RPS6KC1: variants seen among roughly 807,000 people sequenced by gnomAD.
RPS6KC1 encodes the protein inactive ribosomal protein S6 kinase delta-1.
In RPS6KC1, 54 loss-of-function variants were observed where a neutral mutation model predicts 103.8. The ratio of observed to expected loss-of-function variants is 0.52; its 90% CI spans 0.42 to 0.65. The LOEUF is 0.65. Ranked by LOEUF, RPS6KC1 falls within the 30% of genes least tolerant of loss-of-function variation. The probability of loss-of-function intolerance (pLI) is 0.00; values close to 1 mark genes in which losing one functional copy is unlikely to be tolerated. For missense variants in RPS6KC1, 1,151 were observed against 1,253.8 expected, an observed-to-expected ratio of 0.92 and a Z score of 1.24; for synonymous variants, 439 against 438.7, an observed-to-expected ratio of 1.00 and a Z score of -0.01.
chr1:213,386,918 A>G, the RPS6KC1 span, among the ~76,000 whole-genome samples: 1 of 152,238 alleles, frequency 6.6e-6, no homozygotes, highest in East Asian at 1.9e-4. Flanking sequence ...AGATGTTACA[A>G]GTAAAGTCAT....
the RPS6KC1 span, among the ~76,000 whole-genome samples, chr1:213,341,050 A>G: frequency 3.9e-3 from 601 of 152,342 alleles, 2 homozygotes; most frequent in African/African-American, 0.014. Context: ...GCATAATTGT[A>G]ATCCCTGCGT....
the RPS6KC1 span, among the ~76,000 whole-genome samples, chr1:213,599,359 C>G: frequency 6.6e-6 from 1 of 151,542 alleles, no homozygotes; most frequent in Non-Finnish European, 1.5e-5. Context: ...CCCATCCAGG[C>G]TCTTTTCTTT....
chr1:213,615,264 C>A, the RPS6KC1 span, among the ~76,000 whole-genome samples: 1 of 152,208 alleles, frequency 6.6e-6, no homozygotes, highest in African/African-American at 2.4e-5. Flanking sequence ...AGGGGAGAGG[C>A]TGCAGTTTCA....
At chr1:213,526,918 A>G in the RPS6KC1 span, among the ~76,000 whole-genome samples, 1 of 152,206 alleles carries the variant, frequency 6.6e-6, no homozygotes, top group Non-Finnish European at 1.5e-5. Flanking sequence ...AATTTAGACT[A>G]GCAATCCTTC....
chr1:213,262,495 A>G (rs1391729926), intron 13 of RPS6KC1, among the ~76,000 whole-genome samples: 1 of 152,204 alleles, frequency 6.6e-6, no homozygotes, highest in Admixed American at 6.5e-5. Flanking sequence ...ACGACGGGAC[A>G]GTAGCATAAG....
the RPS6KC1 span, among the ~76,000 whole-genome samples, chr1:213,331,266 G>A: frequency 2.0e-5 from 3 of 152,190 alleles, no homozygotes; most frequent in African/African-American, 7.2e-5. Context: ...AGTTCTGCTT[G>A]TCTATGAGTT....
At chr1:213,256,690 G>T (rs1190717143) in intron 12 of RPS6KC1, among the ~76,000 whole-genome samples, 1 of 152,166 alleles carries the variant, frequency 6.6e-6, no homozygotes, top group Non-Finnish European at 1.5e-5. Flanking sequence ...CTCCCATTCA[G>T]ATTGGGGCTC....
the RPS6KC1 span, among the ~76,000 whole-genome samples, chr1:213,676,472 GT>G: frequency 6.6e-6 from 1 of 152,226 alleles, no homozygotes; most frequent in Non-Finnish European, 1.5e-5. Context: ...GAAGTCCCGT[GT>G]CAGACGGAAG....
the RPS6KC1 span, among the ~76,000 whole-genome samples, chr1:213,514,229 G>A: frequency 2.6e-5 from 4 of 151,952 alleles, no homozygotes; most frequent in African/African-American, 9.7e-5. Context: ...CTGAGGAAGG[G>A]ATATATTTTT....
At chr1:213,261,235 T>C (rs1039671068) in intron 12 of RPS6KC1, among the ~76,000 whole-genome samples, 2 of 152,184 alleles carry the variant, frequency 1.3e-5, no homozygotes, top group African/African-American at 4.8e-5. Context: ...TAGAATTGGC[T>C]ATACATTCTC....
chr1:213,284,285 G>A, the RPS6KC1 span, among the ~76,000 whole-genome samples: 1 of 152,238 alleles, frequency 6.6e-6, no homozygotes, highest in Non-Finnish European at 1.5e-5. Flanking sequence ...GGGAGCCTGA[G>A]GCCAGTGGAT....
At chr1:213,363,640 TTCTTTCTTTC>T in the RPS6KC1 span, among the ~76,000 whole-genome samples, 1 of 51,094 alleles carries the variant, frequency 2.0e-5, no homozygotes, top group Admixed American at 1.8e-4. Flanking sequence ...CTTTCTTTCT[TTCTTTCTTTC>T]TTTCTTTCTT....
chr1:213,712,706 G>A, the RPS6KC1 span, among the ~76,000 whole-genome samples: 1 of 152,194 alleles, frequency 6.6e-6, no homozygotes, highest in Non-Finnish European at 1.5e-5. Context: ...CATAGTATCT[G>A]GGCCGGATAC....
the RPS6KC1 span, among the ~76,000 whole-genome samples, chr1:213,549,508 T>C: frequency 6.6e-6 from 1 of 151,998 alleles, no homozygotes. Flanking sequence ...CAAAGAAAAA[T>C]GTTCCCTGTT....
chr1:213,819,042 G>A, the RPS6KC1 span: 1 of 152,178 alleles, frequency 6.6e-6, no homozygotes, highest in Admixed American at 6.5e-5. Flanking sequence ...CATTTGTTGA[G>A]TGCTTTCAAC....
At chr1:213,352,544 C>T in the RPS6KC1 span, among the ~76,000 whole-genome samples, 2 of 151,880 alleles carry the variant, frequency 1.3e-5, no homozygotes, top group African/African-American at 4.8e-5. Context: ...GTCTTTTTTC[C>T]CAAGAAATTA....
chr1:213,600,311 A>G, the RPS6KC1 span, among the ~76,000 whole-genome samples: 1 of 152,184 alleles, frequency 6.6e-6, no homozygotes. Flanking sequence ...CTCCCTCTTA[A>G]TAGACAGAAA....
chr1:213,652,921 G>A, the RPS6KC1 span, among the ~76,000 whole-genome samples: 2 of 152,172 alleles, frequency 1.3e-5, no homozygotes, highest in African/African-American at 2.4e-5. Flanking sequence ...TTTTGAGAAG[G>A]TTTGTCATGT....
At chr1:213,825,517 C>T in the RPS6KC1 span, among the ~76,000 whole-genome samples, 1 of 152,092 alleles carries the variant, frequency 6.6e-6, no homozygotes, top group Non-Finnish European at 1.5e-5. Flanking sequence ...TTTTGCAATC[C>T]TACAAGGGGG....
Sources: allele counts gnomAD v4.1 joint callset (sites outside exome capture counted in the v4.1 genomes callset), GRCh38; gene constraint gnomAD v4.1.1; transcripts MANE v1.5; gene names NCBI Gene and HGNC (gene_info 2026-07-23, HGNC 2026-07-21).